The following PRKCA variants were observed in gnomAD, a reference collection of about 807,000 sequenced individuals.
PRKCA encodes the protein protein kinase C alpha type.
Under a neutral mutation model 87.0 loss-of-function variants are expected in PRKCA, and 27 were observed. The observed-to-expected ratio is 0.31, with a 90% CI of 0.23 to 0.43. The LOEUF (loss-of-function observed/expected upper bound fraction) is 0.43, where lower values mean the gene tolerates loss of function less well. Among genes scored for constraint, PRKCA ranks in the 20% least tolerant of loss-of-function variants. PRKCA has a pLI of 1.00. For missense variants in PRKCA, 518 were observed against 852.3 expected, an observed-to-expected ratio of 0.61 and a Z score of 4.88; for synonymous variants, 329 against 311.1, an observed-to-expected ratio of 1.06 and a Z score of -0.61.
chr17:66,743,379 C>G (rs61761557), intron 13 of PRKCA, among the ~76,000 whole-genome samples: 1 of 152,150 alleles, frequency 6.6e-6, no homozygotes, highest in Non-Finnish European at 1.5e-5. Context: ...AATACTCTGC[C>G]TGGAAGGCGG....
intron 16 of PRKCA, chr17:66,796,734 A>T: frequency 1.0e-6 from 1 of 985,316 alleles, no homozygotes; most frequent in Non-Finnish European, 1.2e-6. Context: ...CTGTTATTTA[A>T]CTTAAAAGAA....
chr17:66,537,122 T>C (rs1373891219), intron 3 of PRKCA, among the ~76,000 whole-genome samples: 2 of 152,196 alleles, frequency 1.3e-5, no homozygotes, highest in African/African-American at 4.8e-5. Context: ...TAATTTAGCA[T>C]GCGTCCAGGA....
At position 66,774,155 on chromosome 17, in the gene PRKCA, C is replaced by T. The variant is rs766013545; in HGVS notation, c.1605+88C>T. ...GTTGGGCCTCGAGAGCAAGACCTGA[C>T]GTTTTAGTGCAGCTGGTGTTGGCGT... On this transcript the variant is annotated intron_variant, in intron 14 of 16. Coordinates refer to ENST00000413366, the MANE Select transcript of PRKCA (RefSeq NM_002737.3). 15 of 1,602,084 alleles carry T rather than the reference C, an allele frequency of 9.4e-6. No homozygotes were observed. In the East Asian group the frequency reaches 2.0e-4, roughly 22 times the overall value.
At chr17:66,624,542 T>C (rs543672955) in intron 3 of PRKCA, among the ~76,000 whole-genome samples, 5 of 152,196 alleles carry the variant, frequency 3.3e-5, no homozygotes, top group Non-Finnish European at 7.3e-5. Context: ...GGCTCACACT[T>C]GTAATCCCAG....
At chr17:66,513,020 C>T (rs1338809485) in intron 3 of PRKCA, among the ~76,000 whole-genome samples, 2 of 152,146 alleles carry the variant, frequency 1.3e-5, no homozygotes, top group East Asian at 3.9e-4. Context: ...TTACTTTATG[C>T]ACTTCAAACC....
chr17:66,315,297 A>C (rs1325297119), intron 2 of PRKCA, among the ~76,000 whole-genome samples: 1 of 152,126 alleles, frequency 6.6e-6, no homozygotes, highest in African/African-American at 2.4e-5. Flanking sequence ...TAACTTGTCC[A>C]CAGCCACATA....
At chr17:66,566,904 A>G (rs1968922057) in intron 3 of PRKCA, among the ~76,000 whole-genome samples, 1 of 152,120 alleles carries the variant, frequency 6.6e-6, no homozygotes, top group Admixed American at 6.6e-5. Context: ...CTTTGAGAGG[A>G]GCTGTTTGGG....
At chr17:66,737,091 G>A (rs1053381956) in intron 10 of PRKCA, among the ~76,000 whole-genome samples, 7 of 152,046 alleles carry the variant, frequency 4.6e-5, no homozygotes, top group Admixed American at 1.3e-4. Flanking sequence ...GGTGGCTCAC[G>A]CCTGTAATCC....
chr17:66,622,143 C>A (rs1348910763), intron 3 of PRKCA, among the ~76,000 whole-genome samples: 1 of 152,130 alleles, frequency 6.6e-6, no homozygotes, highest in Non-Finnish European at 1.5e-5. Flanking sequence ...GAGTTGTAAT[C>A]GTACCACTGC....
At chr17:66,350,172 TA>T (rs1907654015) in intron 2 of PRKCA, among the ~76,000 whole-genome samples, 1 of 152,196 alleles carries the variant, frequency 6.6e-6, no homozygotes. Flanking sequence ...AGTGCCTTTT[TA>T]TTTTTTTCCT....
At chr17:66,463,562 A>T (rs1440259769) in intron 2 of PRKCA, among the ~76,000 whole-genome samples, 1 of 151,394 alleles carries the variant, frequency 6.6e-6, no homozygotes, top group Non-Finnish European at 1.5e-5. Context: ...TGCCCAGCTA[A>T]TTTTTTGTAT....
chr17:66,474,506 G>A (rs752904093), intron 2 of PRKCA, among the ~76,000 whole-genome samples: 2 of 152,186 alleles, frequency 1.3e-5, no homozygotes, highest in Non-Finnish European at 2.9e-5. Context: ...GTGGCAGTGT[G>A]CTTAGGGCTC....
intron 2 of PRKCA, among the ~76,000 whole-genome samples, chr17:66,394,933 G>A (rs775272092): frequency 2.0e-5 from 3 of 152,144 alleles, no homozygotes; most frequent in Middle Eastern, 3.2e-3. Context: ...CGGTTAAACT[G>A]CTTTAGTTTA....
chr17:66,366,750 C>T (rs1215334972), intron 2 of PRKCA, among the ~76,000 whole-genome samples: 1 of 152,138 alleles, frequency 6.6e-6, no homozygotes, highest in Non-Finnish European at 1.5e-5. Context: ...AAGGATGAGA[C>T]ATTTTTACTC....
intron 14 of PRKCA, among the ~76,000 whole-genome samples, chr17:66,778,432 C>T (rs1173046632): frequency 1.3e-5 from 2 of 152,104 alleles, no homozygotes; most frequent in African/African-American, 2.4e-5. Context: ...AGGAGAATGG[C>T]GTGAACCCGG....
At chr17:66,519,818 A>C (rs1048429566) in intron 3 of PRKCA, among the ~76,000 whole-genome samples, 1 of 152,192 alleles carries the variant, frequency 6.6e-6, no homozygotes, top group Non-Finnish European at 1.5e-5. Context: ...TGCATTTCCC[A>C]AGCTCTCCAA....
chr17:66,732,897 A>G (rs1973938458), intron 9 of PRKCA, 72 bp downstream of exon 9: 1 of 1,549,552 alleles, frequency 6.5e-7, no homozygotes, highest in East Asian at 2.3e-5. Flanking sequence ...TTCTCCTCGT[A>G]GTTTGCAGAA....
At chr17:66,517,816 CAAGCTGTTTTTGCA>C (rs920952887) in intron 3 of PRKCA, among the ~76,000 whole-genome samples, 21 of 152,298 alleles carry the variant, frequency 1.4e-4, no homozygotes, top group African/African-American at 4.3e-4. Flanking sequence ...AATTACTCAT[CAAGCTGTTTTTGCA>C]AAGCAGTTTC....
At chr17:66,526,332 G>A (rs1447458849) in intron 3 of PRKCA, among the ~76,000 whole-genome samples, 3 of 152,162 alleles carry the variant, frequency 2.0e-5, no homozygotes, top group Admixed American at 6.5e-5. Flanking sequence ...CACCCCACAA[G>A]TTGGTGGCTT....
Sources: gnomAD v4.1 joint callset for allele counts (sites outside exome capture counted in the v4.1 genomes callset) on GRCh38, gnomAD v4.1.1 for gene constraint, MANE v1.5 for transcripts, NCBI Gene and HGNC (gene_info 2026-07-23, HGNC 2026-07-21) for gene names.